The following DENND1A variants were observed in gnomAD, a reference collection of about 807,000 sequenced individuals.
The protein encoded by DENND1A is DENN domain-containing protein 1A.
In DENND1A, 51 loss-of-function variants were observed where a neutral mutation model predicts 113.7. That is an observed-to-expected ratio of 0.45 (90% confidence interval 0.36 to 0.57). The LOEUF is 0.57. Ranked by LOEUF, DENND1A falls within the 20% of genes least tolerant of loss-of-function variation. DENND1A has a pLI of 0.00. For synonymous variants in DENND1A, 565 were observed against 570.8 expected (o/e 0.99, Z 0.14); for missense variants, 1,258 against 1,395.9 (o/e 0.90, Z 1.57).
At chr9:123,649,264 T>C (rs181681188) in intron 9 of DENND1A, among the ~76,000 whole-genome samples, 1 of 152,334 alleles carries the variant, frequency 6.6e-6, no homozygotes, top group Admixed American at 6.5e-5. Context: ...TTGAGGACCA[T>C]AAAAGTTTTC....
intron 4 of DENND1A, among the ~76,000 whole-genome samples, chr9:123,761,535 G>A (rs974916724): frequency 1.3e-5 from 2 of 152,182 alleles, no homozygotes; most frequent in African/African-American, 4.8e-5. Flanking sequence ...TTCAGGAAAG[G>A]CTAGTCCTCT....
intron 3 of DENND1A, 130 bp downstream of exon 3, chr9:123,792,457 G>T: frequency 2.2e-6 from 2 of 913,068 alleles, no homozygotes; most frequent in Non-Finnish European, 3.2e-6. Flanking sequence ...TTTGTCTTTG[G>T]TTCCTAATTA....
Position 123,422,936 on chromosome 9 carries a change from C to T in DENND1A, c.1489-11107G>A, listed in dbSNP as rs866567625. ...GCAGTTCGACTGCCTTATTAAACAC[C>T]GCCAGGATCCTAACGAAGACCAACT... On this transcript the variant is annotated intron_variant, in intron 19 of 23. Transcript: ENST00000394215. The surrounding 1 kb of genome is among the most constrained non-coding windows in gnomAD (Gnocchi z 4.8). 2.2e-4 allele frequency among the ~76,000 whole-genome samples: 33 copies of T among 152,204 alleles called. No homozygotes were observed. The highest frequency in any genetic ancestry group is 3.9e-4 in the African/African-American group (16 of 41,456).
At chr9:123,552,039 CAGAGAGAGAGAGAG>C (rs58452320) in intron 13 of DENND1A, among the ~76,000 whole-genome samples, 3 of 128,336 alleles carry the variant, frequency 2.3e-5, no homozygotes, top group Non-Finnish European at 3.3e-5. Context: ...GAGAGAGAGA[CAGAGAGAGAGAGAG>C]AGAGAGAGAG....
intron 5 of DENND1A, among the ~76,000 whole-genome samples, chr9:123,698,287 G>T (rs2065653627): frequency 6.6e-6 from 1 of 152,152 alleles, no homozygotes; most frequent in Non-Finnish European, 1.5e-5. Context: ...GAAAACCGGA[G>T]CTCAAAAAGG....
At position 123,481,797 on chromosome 9, in the gene DENND1A, C is replaced by CTT. The variant is rs199644080; in HGVS notation, c.994-23902_994-23901dup. Among the ~76,000 whole-genome samples the CTT allele has an allele frequency of 8.7e-3, 1,202 of 138,106 alleles. 17 individuals are homozygous for CTT. Among genetic ancestry groups the CTT allele is most frequent in the African/African-American group, 0.024 (897 of 37,526 alleles). The allele number at this position is 138,106 out of a possible 152,430, so 90.6% of individuals were successfully genotyped here. ...TGCATATTGTCTTTTTTCTTTCTTTCTTTTTTTTTTTTTTTTGAGACAGAG... is the reference window on the plus strand; with the variant it reads ...TGCATATTGTCTTTTTTCTTTCTTTCTTTTTTTTTTTTTTTTTTGAGACAGAG... On this transcript the variant is annotated intron_variant, in intron 13 of 23. Transcript: ENST00000394215.
intron 3 of DENND1A, among the ~76,000 whole-genome samples, chr9:123,777,872 G>A (rs753269689): frequency 1.5e-4 from 23 of 152,236 alleles, no homozygotes; most frequent in Admixed American, 7.8e-4. Context: ...TGATTAGAAC[G>A]TCTCACTAAA....
chr9:123,510,022 G>T (rs1383836828), intron 13 of DENND1A, among the ~76,000 whole-genome samples: 1 of 152,224 alleles, frequency 6.6e-6, no homozygotes, highest in Non-Finnish European at 1.5e-5. Context: ...CGAGAAAGCT[G>T]TCCCCTTCAA....
At chr9:123,630,204 C>CTT (rs11324537) in intron 10 of DENND1A, among the ~76,000 whole-genome samples, 172 bp downstream of exon 10, 191 of 94,100 alleles carry the variant, frequency 2.0e-3, no homozygotes, top group East Asian at 8.9e-3. Context: ...CCATGACTGG[C>CTT]TTTTTTTTTT....
At chr9:123,670,901 G>C (rs746199299) in intron 7 of DENND1A, among the ~76,000 whole-genome samples, 1 of 152,210 alleles carries the variant, frequency 6.6e-6, no homozygotes, top group Non-Finnish European at 1.5e-5. Flanking sequence ...GTTGAAAGCT[G>C]AGGGTACAGG....
At chr9:123,665,754 G>A (rs993382741) in intron 8 of DENND1A, among the ~76,000 whole-genome samples, 5 of 152,178 alleles carry the variant, frequency 3.3e-5, no homozygotes, top group African/African-American at 1.2e-4. Flanking sequence ...AATGTTCAAA[G>A]CAGTAATATT....
chr9:123,686,368 T>A (rs1589664117), intron 5 of DENND1A, among the ~76,000 whole-genome samples: 1 of 152,234 alleles, frequency 6.6e-6, no homozygotes, highest in Admixed American at 6.5e-5. Context: ...AGTAGTATGA[T>A]CACGTACAAT....
At chr9:123,438,772 G>A (rs902319151) in intron 19 of DENND1A, among the ~76,000 whole-genome samples, 2 of 152,096 alleles carry the variant, frequency 1.3e-5, no homozygotes, top group African/African-American at 2.4e-5. Flanking sequence ...TCCCCCACCC[G>A]TGCACACACA....
intron 1 of DENND1A, chr9:123,928,550 T>C: frequency 1.0e-6 from 1 of 985,254 alleles, no homozygotes; most frequent in Non-Finnish European, 1.2e-6. Flanking sequence ...TCCACAAAAA[T>C]AAAGATTTAA....
At chr9:123,926,567 CA>C (rs746978969) in intron 1 of DENND1A, among the ~76,000 whole-genome samples, 487 of 41,062 alleles carry the variant, frequency 0.012, 2 homozygotes, top group African/African-American at 0.031. Context: ...AACTCCATCT[CA>C]AAAAAAAAAA....
At chr9:123,721,332 T>C (rs1412201014) in intron 5 of DENND1A, among the ~76,000 whole-genome samples, 1 of 152,222 alleles carries the variant, frequency 6.6e-6, no homozygotes, top group Non-Finnish European at 1.5e-5. Flanking sequence ...TACTGAATGC[T>C]CCACCACTCT....
At chr9:123,499,832 A>C (rs1342327342) in intron 13 of DENND1A, among the ~76,000 whole-genome samples, 1 of 152,184 alleles carries the variant, frequency 6.6e-6, no homozygotes, top group Non-Finnish European at 1.5e-5. Context: ...TCCGGCTCAC[A>C]GCAAACGCTC....
intron 19 of DENND1A, chr9:123,414,528 C>T (rs2044565970): frequency 1.3e-6 from 2 of 1,548,958 alleles, no homozygotes; most frequent in Non-Finnish European, 1.7e-6. Context: ...GGAGGTTCCC[C>T]AGCCAGGCAA....
rs368089067 is a variant in DENND1A at position 123,835,598 on chromosome 9, A to G, written c.89-42968T>C. ...CTAGTTCATCTAGACCCTATCCACA[A>G]ACTACTATTCGTTTACCTAACTCTT... On this transcript the variant is annotated intron_variant, in intron 2 of 23. Transcript: ENST00000394215. Among the ~76,000 whole-genome samples, 11 of 151,868 alleles carry G rather than the reference A, an allele frequency of 7.2e-5. No homozygotes were observed. The East Asian group carries it at 1.9e-3, about 27-fold the overall frequency.
Sources: allele counts gnomAD v4.1 joint callset (sites outside exome capture counted in the v4.1 genomes callset), GRCh38; gene constraint gnomAD v4.1.1; non-coding constraint Gnocchi (gnomAD v3.1); transcripts MANE v1.5; gene names NCBI Gene and HGNC (gene_info 2026-07-23, HGNC 2026-07-21).